The following SLC71A1 variants were observed in gnomAD, a reference collection of about 807,000 sequenced individuals.
The protein encoded by SLC71A1 is solute carrier family 71 member 1.
At chr1:100,068,141 G>A in the SLC71A1 span, 3 of 1,613,580 alleles carry the variant, frequency 1.9e-6, no homozygotes, top group Non-Finnish European at 2.5e-6. Flanking sequence ...CTGAGAAAAT[G>A]CGGCCAGCAT....
chr1:100,042,951 T>C, the SLC71A1 span: 2 of 277,120 alleles, frequency 7.2e-6, no homozygotes, highest in Non-Finnish European at 1.1e-5. Flanking sequence ...GGTGTTTATA[T>C]TGTCTTTGGC....
At chr1:100,044,474 T>C in the SLC71A1 span, among the ~76,000 whole-genome samples, 1 of 152,052 alleles carries the variant, frequency 6.6e-6, no homozygotes, top group Admixed American at 6.6e-5. Flanking sequence ...TCATAAATAT[T>C]TTCTCCAACT....
the SLC71A1 span, among the ~76,000 whole-genome samples, chr1:100,046,291 A>C: frequency 7.7e-6 from 1 of 129,974 alleles, no homozygotes; most frequent in East Asian, 2.6e-4. Flanking sequence ...CAGTGGCGCA[A>C]TCTTGGCTCA....
chr1:100,044,800 G>A, the SLC71A1 span, among the ~76,000 whole-genome samples: 4 of 152,198 alleles, frequency 2.6e-5, no homozygotes, highest in African/African-American at 9.7e-5. Flanking sequence ...TTACAGGCAT[G>A]CCTAGGCGGC....
the SLC71A1 span, chr1:100,077,427 T>C: frequency 1.8e-6 from 1 of 570,304 alleles, no homozygotes; most frequent in Non-Finnish European, 3.1e-6. Context: ...CTGCCACTTG[T>C]ATATTTATAT....
the SLC71A1 span, chr1:100,043,195 AAAGTTT>A: frequency 1.0e-6 from 1 of 980,000 alleles, no homozygotes; most frequent in Non-Finnish European, 1.2e-6. Flanking sequence ...CTGAAAGTTT[AAAGTTT>A]AAGTAAAAAA....
At chr1:100,063,660 G>C in the SLC71A1 span, among the ~76,000 whole-genome samples, 85 of 152,288 alleles carry the variant, frequency 5.6e-4, no homozygotes, top group Admixed American at 3.8e-3. Context: ...GCCAGGTGTG[G>C]TGGTGTGTGC....
the SLC71A1 span, chr1:100,043,235 A>G: frequency 2.1e-6 from 2 of 948,740 alleles, no homozygotes; most frequent in Non-Finnish European, 2.5e-6. Context: ...TTCAGGTAAC[A>G]TTCTGACAAG....
the SLC71A1 span, among the ~76,000 whole-genome samples, chr1:100,048,765 T>C: frequency 6.6e-6 from 1 of 152,346 alleles, no homozygotes; most frequent in South Asian, 2.1e-4. Flanking sequence ...TCATCTACTC[T>C]GGTGGTTTCA....
At chr1:100,053,115 T>C in the SLC71A1 span, among the ~76,000 whole-genome samples, 6 of 152,244 alleles carry the variant, frequency 3.9e-5, no homozygotes, top group Non-Finnish European at 8.8e-5. Flanking sequence ...GTGACCCTGT[T>C]ATATATTCAG....
chr1:100,053,370 T>A, the SLC71A1 span, among the ~76,000 whole-genome samples: 2 of 152,058 alleles, frequency 1.3e-5, no homozygotes, highest in African/African-American at 2.4e-5. Flanking sequence ...CTTTAAACAT[T>A]TCATTTCTGT....
At chr1:100,057,177 T>G in the SLC71A1 span, among the ~76,000 whole-genome samples, 10 of 152,248 alleles carry the variant, frequency 6.6e-5, no homozygotes, top group African/African-American at 2.4e-4. Flanking sequence ...GTGATCTCAT[T>G]TGTCCATTCT....
chr1:100,058,981 C>T, the SLC71A1 span, among the ~76,000 whole-genome samples: 1 of 151,602 alleles, frequency 6.6e-6, no homozygotes, highest in African/African-American at 2.4e-5. Context: ...TAACAGATTC[C>T]CTGTTTTTAT....
the SLC71A1 span, among the ~76,000 whole-genome samples, chr1:100,070,477 G>A: frequency 4.6e-5 from 7 of 152,174 alleles, no homozygotes; most frequent in African/African-American, 1.7e-4. Flanking sequence ...GAGTAAGATA[G>A]GAAGTCATTG....
chr1:100,052,259 T>G, the SLC71A1 span, among the ~76,000 whole-genome samples: 2 of 152,136 alleles, frequency 1.3e-5, no homozygotes, highest in South Asian at 2.1e-4. Flanking sequence ...AAAATTTGCT[T>G]CTTGTTTAAA....
At chr1:100,038,379 C>G in the SLC71A1 span, 5 of 1,305,864 alleles carry the variant, frequency 3.8e-6, no homozygotes, top group Non-Finnish European at 5.4e-6. Flanking sequence ...TCCTTCAGAC[C>G]CCCACACTGC....
the SLC71A1 span, among the ~76,000 whole-genome samples, chr1:100,065,751 C>T: frequency 1.3e-5 from 2 of 151,312 alleles, no homozygotes; most frequent in Non-Finnish European, 2.9e-5. Context: ...TTTCTCTTCC[C>T]CTTTCCCCTT....
chr1:100,038,293 A>G, the SLC71A1 span: 2 of 1,558,196 alleles, frequency 1.3e-6, no homozygotes, highest in East Asian at 2.4e-5. Context: ...GGCCAAGAAG[A>G]TCATCATTAA....
chr1:100,060,091 A>G, the SLC71A1 span: 7 of 1,287,916 alleles, frequency 5.4e-6, no homozygotes, highest in South Asian at 1.5e-5. Flanking sequence ...CACTTGTGCC[A>G]TCTTGGTTAT....
Sources: gnomAD v4.1 joint callset for allele counts (sites outside exome capture counted in the v4.1 genomes callset) on GRCh38, gnomAD v4.1.1 for gene constraint, MANE v1.5 for transcripts, NCBI Gene and HGNC (gene_info 2026-07-23, HGNC 2026-07-21) for gene names.